The following PHKA1 variants were observed in gnomAD, a reference collection of about 807,000 sequenced individuals.
PHKA1 encodes the protein phosphorylase kinase regulatory subunit alpha 1.
Under a neutral mutation model 110.2 loss-of-function variants are expected in PHKA1, and 60 were observed. The ratio of observed to expected loss-of-function variants is 0.54; its 90% CI spans 0.44 to 0.68. PHKA1 has a LOEUF of 0.68. Ranked by LOEUF, PHKA1 falls within the 30% of genes least tolerant of loss-of-function variation. The pLI, the probability that PHKA1 is intolerant of heterozygous loss-of-function variation, is 0.00. For synonymous variants in PHKA1, 316 were observed against 333.6 expected, an observed-to-expected ratio of 0.95 and a Z score of 0.58; for missense variants, 801 against 942.5, an observed-to-expected ratio of 0.85 and a Z score of 1.97.
intron 2 of PHKA1, among the ~76,000 whole-genome samples, chrX:72,710,367 T>G (rs1266833731): frequency 8.9e-6 from 1 of 111,893 alleles, no homozygotes; most frequent in Non-Finnish European, 1.9e-5. Context: ...ATGCAGAGAT[T>G]TGGTTATAAG....
chrX:72,679,229 A>G (rs2053814515), intron 5 of PHKA1, among the ~76,000 whole-genome samples: 1 of 111,598 alleles, frequency 9.0e-6, no homozygotes, highest in Non-Finnish European at 1.9e-5. Flanking sequence ...TGTCTTACCT[A>G]TGTAGTGGAG....
chrX:72,679,699 A>G (rs1001040928), intron 5 of PHKA1, among the ~76,000 whole-genome samples: 54 of 111,334 alleles, frequency 4.9e-4, no homozygotes, highest in African/African-American at 1.6e-3. Context: ...AAATAAAAAG[A>G]TTAGTGAAGT....
At position 72,666,224 on chromosome X, in the gene PHKA1, G is replaced by A; in HGVS notation, c.791C>T (p.Ser264Phe). Residue 264 changes from serine (S) to phenylalanine (F), a missense_variant, in exon 8 of 32, where the codon TCC (serine) becomes TTC (phenylalanine). By Grantham distance (155) the Ser-to-Phe change is radical. Transcript: ENST00000373542. ...ATCCTCTACTGCAAAGGCAGGGAAG[G>A]AAACCACTGAGAGTAGACTAGCATC... The part of the protein sequence containing the change: ...EVDASLLSVV[S>F]FPAFAVEDSQ... 3 of 1,210,056 alleles carry A rather than the reference G, an allele frequency of 2.5e-6. No homozygotes were observed. The highest frequency in any genetic ancestry group is 3.4e-6 in the Non-Finnish European group (3 of 893,911).
In PHKA1 at chrX:72,710,322, G is replaced by T. The variant is rs782202337; in HGVS notation, c.237+2457C>A. ...ATATGGAAGGCTGACTTTTCTTATA[G>T]ATGGGTTCCACAGAGCTGACTGCAG... On this transcript the variant is annotated intron_variant, in intron 2 of 31. Transcript: ENST00000373542. Among the ~76,000 whole-genome samples, 3 of 111,745 alleles carry T rather than the reference G, an allele frequency of 2.7e-5. No individual in the cohort carries two copies. In the South Asian group the frequency reaches 1.1e-3, roughly 42 times the overall value.
At position 72,696,822 on chromosome X, in the gene PHKA1, G is replaced by A. The variant is rs782097999; in HGVS notation, c.286-946C>T. Among the ~76,000 whole-genome samples, 3 of 111,255 alleles carry A rather than the reference G, an allele frequency of 2.7e-5. No homozygotes were observed. In the East Asian group the frequency reaches 8.6e-4, roughly 32 times the overall value. On this transcript the variant is annotated intron_variant, in intron 3 of 31. Transcript: ENST00000373542. ...CACATTTTGGTAACCTCAAGGTGGG[G>A]TGGATTCTGAGTGGAGATGCCCCTG...
intron 16 of PHKA1, among the ~76,000 whole-genome samples, chrX:72,632,818 T>C (rs782737956): frequency 8.9e-6 from 1 of 112,096 alleles, no homozygotes; most frequent in East Asian, 2.8e-4. Context: ...GGATAATGAG[T>C]ACCTGCCTGA....
At chrX:72,611,348 C>T (rs782732841) in intron 21 of PHKA1, among the ~76,000 whole-genome samples, 164 bp from the exon 22 acceptor site, 1 of 111,950 alleles carries the variant, frequency 8.9e-6, no homozygotes, top group Non-Finnish European at 1.9e-5. Flanking sequence ...TAACAGTCAG[C>T]TCTGAAAGCC....
intron 29 of PHKA1, among the ~76,000 whole-genome samples, chrX:72,589,195 C>T (rs1361108111): frequency 9.0e-6 from 1 of 111,621 alleles, no homozygotes; most frequent in Admixed American, 9.5e-5. Flanking sequence ...ACTGGCAAAC[C>T]GAATCCAGTA....
At chrX:72,630,482 G>T (rs1221968204) in intron 16 of PHKA1, among the ~76,000 whole-genome samples, 1 of 111,005 alleles carries the variant, frequency 9.0e-6, no homozygotes, top group African/African-American at 3.3e-5. Context: ...CAGATCTCCT[G>T]CTGACAAATT....
rs189738207 is a variant in PHKA1, at chrX:72,619,408, T to C, written c.2138-103A>G. 1.5e-5 allele frequency: 8 copies of C among 526,283 alleles called. No individual in the cohort carries two copies. In the African/African-American group the frequency reaches 1.8e-4, roughly 12 times the overall value. 43.4% of individuals were successfully genotyped at this position (526,283 alleles called of 1,213,427 possible). ...AAGTCACATGTGAGTCAGTTCTTCA[T>C]AGAACAAGAATGACAAATTTCTCCT... On this transcript the variant is annotated intron_variant, in intron 19 of 31. Transcript: ENST00000373542.
intron 5 of PHKA1, among the ~76,000 whole-genome samples, chrX:72,678,972 C>T (rs1166983928): frequency 2.7e-5 from 3 of 112,200 alleles, no homozygotes; most frequent in Non-Finnish European, 5.6e-5. Flanking sequence ...GCAGGACAGA[C>T]TAACGGAGAA....
chrX:72,684,451 A>G, intron 5 of PHKA1, 47 bp downstream of exon 5: 2 of 859,547 alleles, frequency 2.3e-6, no homozygotes, highest in Non-Finnish European at 3.5e-6. Context: ...GTATTTAGAA[A>G]ACAAAAACAT....
intron 31 of PHKA1, 21 bp from the exon 32 acceptor site, chrX:72,581,196 GA>G: frequency 9.3e-7 from 1 of 1,076,841 alleles, no homozygotes; most frequent in Non-Finnish European, 1.3e-6. Flanking sequence ...TTTAAGGGTA[GA>G]AGAACATAGG....
chrX:72,663,030 A>C (rs1450819834), intron 8 of PHKA1, among the ~76,000 whole-genome samples: 6 of 110,988 alleles, frequency 5.4e-5, no homozygotes, highest in Non-Finnish European at 1.1e-4. Context: ...GGGACGTAAT[A>C]ATTATCTAGT....
At chrX:72,697,186 G>C (rs1556327706) in intron 3 of PHKA1, 1 of 110,888 alleles carries the variant, frequency 9.0e-6, no homozygotes. Flanking sequence ...TACAGCCTGA[G>C]ACCCATCATT....
At chrX:72,693,672 G>A (rs2054068700) in intron 4 of PHKA1, among the ~76,000 whole-genome samples, 1 of 112,116 alleles carries the variant, frequency 8.9e-6, no homozygotes, top group African/African-American at 3.2e-5. Flanking sequence ...TTCCTGGGGA[G>A]GAGGGGAACT....
chrX:72,600,100 G>A (rs1020586895), intron 28 of PHKA1, among the ~76,000 whole-genome samples: 3 of 110,053 alleles, frequency 2.7e-5, no homozygotes, highest in African/African-American at 9.9e-5. Flanking sequence ...GGGCATTCTT[G>A]AGTGATAGGG....
rs188060086 is a variant in PHKA1 at position 72,627,142 on chromosome X, G to A, written c.1715-93C>T. The A allele has an allele frequency of 1.9e-3, 1,302 of 685,133 alleles. 10 individuals carry two copies. The Middle Eastern group carries it at 0.025, about 13-fold the overall frequency. 56.5% of individuals were successfully genotyped at this position (685,133 alleles called of 1,213,427 possible). The stretch of plus-strand genomic sequence containing the variant: ...ATTATTTCAAATCAACATTCTGGTG[G>A]TTACAATACAAATGAGACACTCCTC... On this transcript the variant is annotated intron_variant, in intron 16 of 31. Transcript: ENST00000373542.
intron 14 of PHKA1, among the ~76,000 whole-genome samples, chrX:72,641,022 A>C (rs1433716662): frequency 9.0e-6 from 1 of 111,471 alleles, no homozygotes; most frequent in East Asian, 2.8e-4. Flanking sequence ...ACATAGTTTC[A>C]AAAAAAGAGG....
Sources: allele counts gnomAD v4.1 joint callset (sites outside exome capture counted in the v4.1 genomes callset), GRCh38; gene constraint gnomAD v4.1.1; transcripts MANE v1.5; gene names NCBI Gene and HGNC (gene_info 2026-07-23, HGNC 2026-07-21).